Variants in PCDHA1 observed in about 807,000 individuals in gnomAD.
The protein encoded by PCDHA1 is protocadherin alpha-1.
In PCDHA1, 42 loss-of-function variants were observed where a neutral mutation model predicts 61.3. The observed-to-expected ratio is 0.69, with a 90% CI of 0.54 to 0.89. The LOEUF (loss-of-function observed/expected upper bound fraction) is 0.89. PCDHA1 is among the 40% of genes least tolerant of loss of function. The pLI is 0.00. For synonymous variants in PCDHA1, 610 were observed against 553.8 expected, an observed-to-expected ratio of 1.10 and a Z score of -1.43; for missense variants, 1,256 against 1,235.3, an observed-to-expected ratio of 1.02 and a Z score of -0.25.
At chr5:140,943,405 A>G (rs1030211474) in intron 1 of PCDHA1, among the ~76,000 whole-genome samples, 2 of 152,164 alleles carry the variant, frequency 1.3e-5, no homozygotes, top group Non-Finnish European at 2.9e-5. Flanking sequence ...ATTTAAATTC[A>G]GACTAGAGGC....
intron 1 of PCDHA1, chr5:140,803,585 A>C: frequency 6.2e-7 from 1 of 1,614,244 alleles, no homozygotes; most frequent in East Asian, 2.2e-5. Flanking sequence ...TTGATCTCTC[A>C]GCCAAAGTGA....
At chr5:140,856,352 A>G in intron 1 of PCDHA1, 1 of 1,598,598 alleles carries the variant, frequency 6.3e-7, no homozygotes, top group South Asian at 1.1e-5. Context: ...CGTGGAGTGC[A>G]GCATCCACCT....
chr5:140,992,070 GA>G (rs1554252639), intron 3 of PCDHA1, among the ~76,000 whole-genome samples: 1 of 151,052 alleles, frequency 6.6e-6, no homozygotes, highest in Non-Finnish European at 1.5e-5. Context: ...AATTTCAGTA[GA>G]GAATGAGCTA....
intron 3 of PCDHA1, among the ~76,000 whole-genome samples, chr5:140,987,711 T>C (rs2097265419): frequency 6.6e-6 from 1 of 152,208 alleles, no homozygotes; most frequent in South Asian, 2.1e-4. Flanking sequence ...TTTCCAGGTA[T>C]GAGTCTATCC....
intron 1 of PCDHA1, among the ~76,000 whole-genome samples, chr5:140,935,536 G>C (rs2090424655): frequency 6.6e-6 from 1 of 152,104 alleles, no homozygotes; most frequent in Non-Finnish European, 1.5e-5. Context: ...TCAAATTATT[G>C]TGTTTTAAAG....
intron 1 of PCDHA1, among the ~76,000 whole-genome samples, chr5:140,959,621 A>G (rs1198133284): frequency 6.6e-6 from 1 of 152,152 alleles, no homozygotes; most frequent in African/African-American, 2.4e-5. Flanking sequence ...CTTGTGATAG[A>G]AAAAAAGAGA....
Position 140,801,553 on chromosome 5 carries a change from T to G in PCDHA1, c.2394+12869T>G, listed in dbSNP as rs782642948. ...GACAGGCCGCTGCAGGTTTTCCATG[T>G]GGAGGTGGAAGTGAAGGACATTAAT... On this transcript the variant is annotated intron_variant, in intron 1 of 3. Coordinates refer to ENST00000504120, the MANE Select transcript of PCDHA1 (RefSeq NM_018900.4). 3.7e-6 allele frequency: 6 copies of G among 1,614,078 alleles called. No homozygotes were observed. The East Asian group carries it at 1.3e-4, about 36-fold the overall frequency.
intron 1 of PCDHA1, among the ~76,000 whole-genome samples, chr5:140,972,921 C>A (rs2096564401): frequency 6.6e-6 from 1 of 152,090 alleles, no homozygotes; most frequent in Non-Finnish European, 1.5e-5. Context: ...CTTGGCCTCC[C>A]AAAGTGCTGG....
rs555901931 is a variant in PCDHA1 at position 140,802,464 on chromosome 5, C to T, written c.2394+13780C>T. The T allele has an allele frequency of 1.5e-5, 24 of 1,614,212 alleles. No homozygotes were observed. In the East Asian group the frequency reaches 5.1e-4, roughly 34 times the overall value. The stretch of plus-strand genomic sequence containing the variant: ...CCGCGAGAGCGTGTCGGCCTATGAG[C>T]TGGTGGTGACTGCTCGGGACGGGGG... On this transcript the variant is annotated intron_variant, in intron 1 of 3. Coordinates refer to ENST00000504120, the MANE Select transcript of PCDHA1 (RefSeq NM_018900.4).
In PCDHA1 at chr5:140,786,243, T is replaced by C. The variant is rs782293799; in HGVS notation, c.-48T>C. ...ATTGGAAATATTAGATAAAATGGCA[T>C]GATTTTGAAGTAAGAGGAGAGCATA... On this transcript the variant is annotated 5_prime_UTR_variant, in exon 1 of 4. It removes an upstream start codon present in the reference 5' UTR. Transcript: ENST00000504120. The C allele has an allele frequency of 3.3e-6, 5 of 1,520,986 alleles. No individual in the cohort carries two copies. In the East Asian group the frequency reaches 1.1e-4, roughly 34 times the overall value. The allele number at this position is 1,520,986 out of a possible 1,614,324, so 94.2% of individuals were successfully genotyped here. A position where few individuals can be genotyped will look rare whatever the true frequency, so the allele number is the denominator to read the frequency against.
chr5:140,804,434 T>C (rs543620416), intron 1 of PCDHA1: 35 of 152,232 alleles, frequency 2.3e-4, no homozygotes, highest in African/African-American at 7.9e-4. Context: ...TTTAAAAGAA[T>C]GTTTTAAATC....
rs931844758 is a variant in PCDHA1 at position 140,867,293 on chromosome 5, A to G, written c.2394+78609A>G. 2.6e-5 allele frequency: 4 copies of G among 152,096 alleles called. No homozygotes were observed. The South Asian group carries it at 6.2e-4, about 24-fold the overall frequency. The allele number at this position is 152,096 out of a possible 1,614,324, so 9.4% of individuals were successfully genotyped here. The stretch of plus-strand genomic sequence containing the variant: ...ATAAACCTGATGTGCTTCAAATATC[A>G]TGTTGAATATACTGTCATCTGGTCT... On this transcript the variant is annotated intron_variant, in intron 1 of 3. Coordinates refer to ENST00000504120, the MANE Select transcript of PCDHA1 (RefSeq NM_018900.4).
intron 3 of PCDHA1, among the ~76,000 whole-genome samples, chr5:141,008,590 T>G (rs1259352249): frequency 6.6e-6 from 1 of 152,216 alleles, no homozygotes; most frequent in Non-Finnish European, 1.5e-5. Context: ...CAGGGCAGAT[T>G]TCACCTCCTC....
chr5:140,795,207 T>C, intron 1 of PCDHA1: 13 of 1,614,154 alleles, frequency 8.1e-6, no homozygotes, highest in Non-Finnish European at 1.1e-5. Flanking sequence ...ATCTGCAGAA[T>C]GGCATTTTGT....
At chr5:140,982,935 T>C (rs2097016879) in intron 3 of PCDHA1, among the ~76,000 whole-genome samples, 2 of 151,876 alleles carry the variant, frequency 1.3e-5, no homozygotes, top group African/African-American at 4.9e-5. Context: ...ACAAAGATCT[T>C]TTGGTTGAAG....
At position 140,848,707 on chromosome 5, in the gene PCDHA1, G is replaced by T. The variant is rs2150418357; in HGVS notation, c.2394+60023G>T. 8 of 1,592,314 alleles carry T rather than the reference G, an allele frequency of 5.0e-6. 3 individuals are homozygous for T. Among genetic ancestry groups the T allele is most frequent in the Middle Eastern group, 3.5e-4 (2 of 5,774 alleles). ...CTGTTCCAGTTGGATTCCAAAGGCC[G>T]CGGGGACCTTCTGGAGGTAAATCTG... On this transcript the variant is annotated intron_variant, in intron 1 of 3. Coordinates refer to ENST00000504120, the MANE Select transcript of PCDHA1 (RefSeq NM_018900.4).
rs1404110882 is a variant in PCDHA1 at position 140,968,973 on chromosome 5, C to A, written c.2395-9976C>A. On this transcript the variant is annotated intron_variant, in intron 1 of 3. Transcript: ENST00000504120. ...ATCATCAAGTGCTACCGCTACACTG[C>A]GTATGGCACTGCATGCTGTGGAGGC... is the stretch of plus-strand genomic sequence containing the variant. The A allele has an allele frequency of 6.2e-7, 1 of 1,614,194 alleles. No homozygotes were observed. The highest frequency in any genetic ancestry group is 1.3e-5 in the African/African-American group (1 of 75,044).
At chr5:140,884,395 C>T (rs1554181520) in intron 1 of PCDHA1, 1 of 1,614,000 alleles carries the variant, frequency 6.2e-7, no homozygotes, top group African/African-American at 1.3e-5. Context: ...CGGTGTCCAG[C>T]CTGTTGGTGC....
chr5:140,868,571 A>G (rs1326549440), intron 1 of PCDHA1: 1 of 152,948 alleles, frequency 6.5e-6, no homozygotes, highest in Non-Finnish European at 1.5e-5. Context: ...GAGGAACAAC[A>G]CTTTCAGGAA....
Sources: gnomAD v4.1 joint callset for allele counts (sites outside exome capture counted in the v4.1 genomes callset) on GRCh38, gnomAD v4.1.1 for gene constraint, MANE v1.5 for transcripts, NCBI Gene and HGNC (gene_info 2026-07-23, HGNC 2026-07-21) for gene names.